Variants in CDCA2 observed in about 807,000 individuals in gnomAD.
CDCA2 encodes cell division cycle associated 2.
A neutral mutation model predicts 67.0 loss-of-function variants in CDCA2; 44 were observed. That is an observed-to-expected ratio of 0.66 (90% CI 0.52 to 0.84). The LOEUF is 0.84. Ranked by LOEUF, CDCA2 falls within the 40% of genes least tolerant of loss-of-function variation. The probability of loss-of-function intolerance (pLI) is 0.00; values close to 1 mark genes in which losing one functional copy is unlikely to be tolerated. For missense variants in CDCA2, 1,253 were observed against 1,203.2 expected (o/e 1.04, Z -0.61); for synonymous variants, 447 against 418.7 (o/e 1.07, Z -0.82).
rs374095928 is a variant in CDCA2 at position 25,488,594 on chromosome 8, A to C, written c.1576A>C (p.Asn526His). The change falls in exon 13 of 15, where the codon AAT becomes CAT. Residue 526 changes from asparagine to histidine, a missense_variant. Transcript: ENST00000330560. ...AGAAGAGAGTGTTTGCAACTTATTGAATACAGAAGTTCAGCCTTGTAAAGA... is the reference window on the plus strand; with the variant it reads ...AGAAGAGAGTGTTTGCAACTTATTGCATACAGAAGTTCAGCCTTGTAAAGA... ...VVEESVCNLL[N>H]TEVQPCKEKK... 3.2e-5 allele frequency: 52 copies of C among 1,612,976 alleles called. No individual in the cohort carries two copies. The African/African-American group carries it at 6.4e-4, about 20-fold the overall frequency.
intron 13 of CDCA2, among the ~76,000 whole-genome samples, chr8:25,499,593 C>T (rs1046678935): frequency 1.3e-5 from 2 of 151,770 alleles, no homozygotes; most frequent in African/African-American, 4.8e-5. Context: ...CATGAGCCAC[C>T]GTGCTGGCCT....
chr8:25,497,471 C>A (rs1586523715), intron 13 of CDCA2, among the ~76,000 whole-genome samples: 1 of 137,618 alleles, frequency 7.3e-6, no homozygotes, highest in African/African-American at 2.9e-5. Flanking sequence ...ACAAGAAGAT[C>A]TTACTTACAT....
intron 5 of CDCA2, among the ~76,000 whole-genome samples, chr8:25,466,771 G>A (rs918576796): frequency 3.0e-4 from 45 of 151,944 alleles, no homozygotes; most frequent in Admixed American, 1.8e-3. Flanking sequence ...AGCCAGGCGC[G>A]GTGGCTCATG....
At position 25,462,164 on chromosome 8, in the gene CDCA2, A is replaced by C; in HGVS notation, c.343A>C (p.Lys115Gln). ...IRFIARQQNIKNARKSPLAQD... is the reference protein window; with the variant it reads ...IRFIARQQNIQNARKSPLAQD... Reference sequence around the variant, plus strand: ...TTTCATTGCTCGGCAGCAAAATATAAAGAATGCTAGGAAATCTCCTTTGGC... The same window carrying C: ...TTTCATTGCTCGGCAGCAAAATATACAGAATGCTAGGAAATCTCCTTTGGC... Residue 115 changes from lysine (K) to glutamine (Q), a missense_variant, in exon 4 of 15, where the codon AAG (lysine) becomes CAG (glutamine). Coordinates refer to ENST00000330560, the MANE Select transcript of CDCA2 (RefSeq NM_152562.4). The C allele has an allele frequency of 6.2e-7, 1 of 1,614,200 alleles. No homozygotes were observed. The highest frequency in any genetic ancestry group is 1.3e-5 in the African/African-American group (1 of 75,060).
chr8:25,497,083 T>G (rs56232407), intron 13 of CDCA2, among the ~76,000 whole-genome samples: 2,904 of 152,272 alleles, frequency 0.019, 98 homozygotes, highest in African/African-American at 0.064. Context: ...AAATTTAGTC[T>G]TACAGTCCCA....
At chr8:25,490,767 C>T (rs1020809209) in intron 13 of CDCA2, among the ~76,000 whole-genome samples, 1 of 152,204 alleles carries the variant, frequency 6.6e-6, no homozygotes, top group Admixed American at 6.5e-5. Flanking sequence ...ACAGTCTTGA[C>T]AGCCAGCTCT....
chr8:25,466,115 C>T (rs1802889928), intron 4 of CDCA2, 60 bp from the exon 5 acceptor site: 2 of 1,493,454 alleles, frequency 1.3e-6, no homozygotes, highest in Non-Finnish European at 1.8e-6. Context: ...GGCTGTAGGC[C>T]TAGAATATAG....
intron 7 of CDCA2, among the ~76,000 whole-genome samples, chr8:25,478,346 A>C (rs556604370): frequency 8.1e-4 from 123 of 152,172 alleles, no homozygotes; most frequent in Non-Finnish European, 1.5e-3. Context: ...AGTGTGGTCC[A>C]GGCCATCACC....
intron 13 of CDCA2, among the ~76,000 whole-genome samples, chr8:25,498,453 A>ACCT (rs375231236): frequency 2.6e-5 from 2 of 76,612 alleles, no homozygotes; most frequent in Admixed American, 1.8e-4. Context: ...GGTAATCTGC[A>ACCT]CCCCCCCCCC....
At chr8:25,474,859 G>A (rs1385746341) in intron 7 of CDCA2, among the ~76,000 whole-genome samples, 3 of 152,196 alleles carry the variant, frequency 2.0e-5, no homozygotes, top group Non-Finnish European at 4.4e-5. Context: ...CTCCACAGAT[G>A]TGTGTGGATT....
intron 8 of CDCA2, among the ~76,000 whole-genome samples, chr8:25,481,528 A>C (rs1803571114): frequency 6.6e-6 from 1 of 152,076 alleles, no homozygotes; most frequent in Non-Finnish European, 1.5e-5. Flanking sequence ...ATCTCTACTA[A>C]AAATACAAAA....
intron 13 of CDCA2, among the ~76,000 whole-genome samples, chr8:25,491,237 A>G (rs947574973): frequency 2.6e-5 from 4 of 152,168 alleles, no homozygotes; most frequent in African/African-American, 9.6e-5. Context: ...AGAAAATAGA[A>G]TGGGAGAAGT....
intron 3 of CDCA2, 63 bp downstream of exon 3, chr8:25,460,617 C>G: frequency 6.6e-7 from 1 of 1,516,224 alleles, no homozygotes. Context: ...TAATATAACT[C>G]AGCTTTATTT....
chr8:25,491,027 A>G lies in CDCA2; in HGVS notation c.1671+2338A>G, dbSNP rs192650329. Among the ~76,000 whole-genome samples the G allele has an allele frequency of 3.6e-4, 55 of 152,326 alleles. No individual in the cohort carries two copies. In the East Asian group the frequency reaches 0.011, roughly 29 times the overall value. On this transcript the variant is annotated intron_variant, in intron 13 of 14. Coordinates refer to ENST00000330560, the MANE Select transcript of CDCA2 (RefSeq NM_152562.4). ...AGGAATAGAAGGAAATTTTACATAC[A>G]TAAATACTCCACTCCAATTTAAGAA...
At chr8:25,499,722 G>A (rs986998670) in intron 13 of CDCA2, among the ~76,000 whole-genome samples, 37 of 152,354 alleles carry the variant, frequency 2.4e-4, no homozygotes, top group African/African-American at 7.7e-4. Flanking sequence ...TTCACTGTGT[G>A]AGAAGAGGAA....
chr8:25,462,689 C>T (rs1481864077), intron 4 of CDCA2, among the ~76,000 whole-genome samples: 5 of 124,810 alleles, frequency 4.0e-5, no homozygotes, highest in Non-Finnish European at 9.0e-5. Flanking sequence ...TCTTTGTTTG[C>T]TTTGTTTTAG....
Position 25,487,249 on chromosome 8 carries a change from C to T in CDCA2, c.1448C>T (p.Thr483Ile), listed in dbSNP as rs1311155643. ...KSSISETLSG[T>I]DTFSSSNNHE... ...TAGCTTTTGTCTTGTTTATCAGGCA[C>T]TGATACCTTTAGTTCTTCAAATAAC... Residue 483 changes from threonine to isoleucine, a missense_variant, in exon 12 of 15, where the codon ACT (threonine) becomes ATT (isoleucine). Thr to Ile is a moderately conservative substitution (Grantham distance 89). Coordinates refer to ENST00000330560, the MANE Select transcript of CDCA2 (RefSeq NM_152562.4). The T allele has an allele frequency of 6.2e-7, 1 of 1,607,814 alleles. No homozygotes were observed. Among genetic ancestry groups the T allele is most frequent in the Non-Finnish European group, 8.5e-7 (1 of 1,175,084 alleles).
upstream of CDCA2, chr8:25,459,219 CGGAGGAGGCGGGT>C (rs1360106748): frequency 3.9e-5 from 6 of 152,284 alleles, no homozygotes; most frequent in East Asian, 1.9e-4. Context: ...GGTCGGCGGG[CGGAGGAGGCGGGT>C]GGAGGAGGCT....
intron 13 of CDCA2, among the ~76,000 whole-genome samples, chr8:25,490,584 G>T (rs887850328): frequency 6.6e-5 from 10 of 152,136 alleles, no homozygotes; most frequent in Non-Finnish European, 1.0e-4. Context: ...AGAATTGGCA[G>T]GTACGATGGA....
Sources: allele counts gnomAD v4.1 joint callset (sites outside exome capture counted in the v4.1 genomes callset), GRCh38; gene constraint gnomAD v4.1.1; transcripts MANE v1.5; gene names NCBI Gene and HGNC (gene_info 2026-07-23, HGNC 2026-07-21).